The following CEP95 variants were observed in gnomAD, a reference collection of about 807,000 sequenced individuals.
CEP95 encodes centrosomal protein 95.
Under a neutral mutation model 111.2 loss-of-function variants are expected in CEP95, and 98 were observed. That is an observed-to-expected ratio of 0.88 (90% CI 0.75 to 1.04). The LOEUF (loss-of-function observed/expected upper bound fraction) is 1.04, where lower values mean the gene tolerates loss of function less well. Among genes scored for constraint, CEP95 ranks in the 50% least tolerant of loss-of-function variants. The pLI, the probability that CEP95 is intolerant of heterozygous loss-of-function variation, is 0.00. For missense variants in CEP95, 1,027 were observed against 977.2 expected, an observed-to-expected ratio of 1.05 and a Z score of -0.68; for synonymous variants, 323 against 327.1, an observed-to-expected ratio of 0.99 and a Z score of 0.14.
At chr17:64,516,677 ATTCAC>A (rs782306471) in intron 4 of CEP95, 41 bp from the exon 5 acceptor site, 287 of 1,172,374 alleles carry the variant, frequency 2.4e-4, no homozygotes, top group Non-Finnish European at 2.3e-4. Context: ...AAAAAGTAGT[ATTCAC>A]TTAGGGGTTT....
intron 3 of CEP95, among the ~76,000 whole-genome samples, chr17:64,513,046 C>G (rs1031918747): frequency 6.6e-6 from 1 of 152,112 alleles, no homozygotes; most frequent in Non-Finnish European, 1.5e-5. Flanking sequence ...AGTATACTCC[C>G]CATCCTAGAA....
Position 64,532,826 on chromosome 17 carries a change from T to C in CEP95, c.1673-13T>C. 6.2e-7 allele frequency: 1 copy of C among 1,603,932 alleles called. No homozygotes were observed. Among genetic ancestry groups the C allele is most frequent in the Non-Finnish European group, 8.5e-7 (1 of 1,176,902 alleles). On this transcript the variant is annotated splice_polypyrimidine_tract_variant and intron_variant, in intron 14 of 19. Coordinates refer to ENST00000556440, the MANE Select transcript of CEP95 (RefSeq NM_138363.3). ...CACGTCTCAGATTAAGAACATCTTA[T>C]TTTACCTTGCAGTGAAAGTAAGTGA...
At chr17:64,523,196 T>C (rs1042571176) in intron 8 of CEP95, among the ~76,000 whole-genome samples, 2 of 152,274 alleles carry the variant, frequency 1.3e-5, no homozygotes, top group Non-Finnish European at 2.9e-5. Flanking sequence ...ACATAGTGAA[T>C]GTTTATGTTG....
At chr17:64,522,521 T>C (rs1324218709) in intron 7 of CEP95, among the ~76,000 whole-genome samples, 181 bp from the exon 8 acceptor site, 1 of 152,122 alleles carries the variant, frequency 6.6e-6, no homozygotes, top group Admixed American at 6.6e-5. Flanking sequence ...CCTAATTTAA[T>C]TAGATCCCTG....
intron 6 of CEP95, chr17:64,520,373 C>T (rs1347945490): frequency 2.0e-5 from 3 of 151,958 alleles, no homozygotes; most frequent in Non-Finnish European, 4.4e-5. Context: ...TGGCAGCTTC[C>T]TTTCATATTG....
At chr17:64,507,604 C>T (rs527691193) in intron 1 of CEP95, 27 of 1,001,800 alleles carry the variant, frequency 2.7e-5, no homozygotes, top group Non-Finnish European at 3.1e-5. Flanking sequence ...GAGTCATGGG[C>T]TTTGTCTAGC....
Position 64,537,682 on chromosome 17 carries a change from A to C in CEP95, c.2369A>C (p.Asn790Thr). 1 of 1,613,272 alleles carries C rather than the reference A, an allele frequency of 6.2e-7. No homozygotes were observed. The highest frequency in any genetic ancestry group is 8.5e-7 in the Non-Finnish European group (1 of 1,179,466). The change falls in exon 20 of 20, where the codon AAT becomes ACT. Residue 790 changes from asparagine (N) to threonine (T), a missense_variant. Physicochemically the swap from Asn to Thr is moderately conservative, Grantham distance 65. Transcript: ENST00000556440. ...CAGCTGCAGGACATGATAACACAGAATGATGATGATGTTTTCTTCCGGGAA... is the reference window on the plus strand; with the variant it reads ...CAGCTGCAGGACATGATAACACAGACTGATGATGATGTTTTCTTCCGGGAA... ...IQQLQDMITQ[N>T]DDDVFFRELE...
rs782395698 is a variant in CEP95, at chr17:64,526,164, A to AG, written c.1117dup (p.Glu373GlyfsTer9). 6.2e-7 allele frequency: 1 copy of AG among 1,613,206 alleles called. No homozygotes were observed. The highest frequency in any genetic ancestry group is 8.5e-7 in the Non-Finnish European group (1 of 1,179,720). The stretch of plus-strand genomic sequence containing the variant: ...CAGAACAAGAATTACATGATGTATC[A>AG]GAAAAACTCTCTCAGCGGCTTTCTG... On this transcript the variant is annotated frameshift_variant, in exon 10 of 20. Coordinates refer to ENST00000556440, the MANE Select transcript of CEP95 (RefSeq NM_138363.3). LOFTEE classifies it high-confidence loss of function.
Position 64,531,016 on chromosome 17 carries a change from A to G in CEP95, c.1537A>G (p.Thr513Ala). Residue 513 changes from threonine to alanine, a missense_variant and splice_region_variant, in exon 13 of 20, where the codon ACA becomes GCA. Thr to Ala is a moderately conservative substitution (Grantham distance 58). Transcript: ENST00000556440. ...PLRIHEKEEETEKIYRGEAVR... is the reference protein window; with the variant it reads ...PLRIHEKEEEAEKIYRGEAVR... ...AAGAATACATGAGAAGGAGGAGGAAACAGTGGGTAAAAGTCTCCACTGTAA... is the reference window on the plus strand; with the variant it reads ...AAGAATACATGAGAAGGAGGAGGAAGCAGTGGGTAAAAGTCTCCACTGTAA... The G allele has an allele frequency of 6.6e-7, 1 of 1,525,720 alleles. No homozygotes were observed. Among genetic ancestry groups the G allele is most frequent in the Non-Finnish European group, 8.9e-7 (1 of 1,124,356 alleles). The allele number at this position is 1,525,720 out of a possible 1,614,324, so 94.5% of individuals were successfully genotyped here.
At chr17:64,521,025 C>T (rs1402450224) in intron 6 of CEP95, among the ~76,000 whole-genome samples, 1 of 152,060 alleles carries the variant, frequency 6.6e-6, no homozygotes, top group African/African-American at 2.4e-5. Flanking sequence ...GGGCGGATCA[C>T]CTGAGGTAGG....
At chr17:64,534,969 T>A in intron 17 of CEP95, 1 of 491,966 alleles carries the variant, frequency 2.0e-6, no homozygotes, top group East Asian at 3.8e-5. Flanking sequence ...TCTTACTTCC[T>A]CCCTGCCTCC....
chr17:64,532,134 T>G (rs1968323902), intron 14 of CEP95, 112 bp downstream of exon 14: 4 of 670,234 alleles, frequency 6.0e-6, no homozygotes, highest in Non-Finnish European at 8.1e-6. Context: ...CCGAAGAAAG[T>G]TTTTTTTTTT....
intron 17 of CEP95, chr17:64,536,096 G>T (rs1968634403): frequency 6.6e-6 from 1 of 152,350 alleles, no homozygotes; most frequent in South Asian, 2.1e-4. Flanking sequence ...GTTTCTTTTT[G>T]GGGTGGTAAA....
At chr17:64,507,407 G>A (rs1555673306) in intron 1 of CEP95, 1 of 1,371,214 alleles carries the variant, frequency 7.3e-7, no homozygotes, top group Non-Finnish European at 9.4e-7. Flanking sequence ...CCCCGGACTT[G>A]TCTTTCTGTG....
chr17:64,506,991 G>T lies in CEP95; in HGVS notation c.-107G>T. The T allele has an allele frequency of 7.6e-7, 1 of 1,316,424 alleles. No individual in the cohort carries two copies. The highest frequency in any genetic ancestry group is 1.3e-5 in the South Asian group (1 of 79,334). 81.5% of individuals were successfully genotyped at this position (1,316,424 alleles called of 1,614,324 possible). On this transcript the variant is annotated 5_prime_UTR_variant, in exon 1 of 20. Transcript: ENST00000556440. ...TTTCACGCCTCCTTCCCCGCGCTTT[G>T]GTTCGTGCGTCCGCGCCCCAGTGTC...
rs782645348 is a variant in CEP95 at position 64,507,097 on chromosome 17, C to G, written c.-1C>G. 6.4e-6 allele frequency: 10 copies of G among 1,551,462 alleles called. No individual in the cohort carries two copies. The highest frequency in any genetic ancestry group is 8.7e-6 in the Non-Finnish European group (10 of 1,146,952). ...GTCCGGCGGCGACCTGCCTCTGAAA[C>G]ATGGCAGGCTCGGATGCTGGTGAGT... On this transcript the variant is annotated 5_prime_UTR_variant, in exon 1 of 20. Coordinates refer to ENST00000556440, the MANE Select transcript of CEP95 (RefSeq NM_138363.3).
chr17:64,510,499 A>G (rs887066210), intron 3 of CEP95, among the ~76,000 whole-genome samples: 3 of 152,192 alleles, frequency 2.0e-5, no homozygotes, highest in Non-Finnish European at 4.4e-5. Context: ...TCTGAAACGT[A>G]AATATCCTAG....
At chr17:64,526,022 A>G in intron 9 of CEP95, 49 bp from the exon 10 acceptor site, 3 of 1,585,648 alleles carry the variant, frequency 1.9e-6, no homozygotes, top group Non-Finnish European at 2.6e-6. Flanking sequence ...TTTAAACTAA[A>G]TAATAGACAC....
chr17:64,519,569 C>T, intron 6 of CEP95, 133 bp downstream of exon 6: 1 of 632,728 alleles, frequency 1.6e-6, no homozygotes, highest in Non-Finnish European at 2.7e-6. Context: ...TCCAGAATAT[C>T]CCACTACCCA....
Sources: allele counts gnomAD v4.1 joint callset (sites outside exome capture counted in the v4.1 genomes callset), GRCh38; gene constraint gnomAD v4.1.1; transcripts MANE v1.5; gene names NCBI Gene and HGNC (gene_info 2026-07-23, HGNC 2026-07-21).